Variants in MAP7 observed in about 807,000 individuals in gnomAD.
MAP7 encodes microtubule associated protein 7, also known as ensconsin.
A neutral mutation model predicts 94.8 loss-of-function variants in MAP7; 52 were observed. The ratio of observed to expected loss-of-function variants is 0.55; its 90% CI spans 0.44 to 0.69. MAP7 has a LOEUF of 0.69. Among genes scored for constraint, MAP7 ranks in the 30% least tolerant of loss-of-function variants. MAP7 has a pLI of 0.00. For synonymous variants in MAP7, 350 were observed against 357.0 expected (o/e 0.98, Z 0.22); for missense variants, 940 against 964.6 (o/e 0.97, Z 0.34).
At chr6:136,437,138 T>G (rs1455374439) in intron 1 of MAP7, among the ~76,000 whole-genome samples, 1 of 152,196 alleles carries the variant, frequency 6.6e-6, no homozygotes, top group Non-Finnish European at 1.5e-5. Context: ...CTCCCTGGTA[T>G]AACAGCCCCC....
At chr6:136,504,759 C>T (rs762391578) in intron 1 of MAP7, among the ~76,000 whole-genome samples, 6 of 152,236 alleles carry the variant, frequency 3.9e-5, no homozygotes, top group Non-Finnish European at 7.3e-5. Flanking sequence ...CGGCCCAATG[C>T]AACCTCTGCC....
At chr6:136,397,299 T>C (rs1782752437) in intron 3 of MAP7, among the ~76,000 whole-genome samples, 1 of 152,148 alleles carries the variant, frequency 6.6e-6, no homozygotes, top group Admixed American at 6.5e-5. Flanking sequence ...AAAAAGTTTT[T>C]TTTTAAAGGG....
In MAP7 at chr6:136,356,809, G is replaced by A. The variant is rs1432118930; in HGVS notation, c.1913-15C>T. On this transcript the variant is annotated splice_polypyrimidine_tract_variant and intron_variant, in intron 15 of 17. Transcript: ENST00000354570. ...TGCAGACACCTCTGGGCATAGTAAAGGAGACAGAACACAGGGTTACTAATA... is the reference window on the plus strand; with the variant it reads ...TGCAGACACCTCTGGGCATAGTAAAAGAGACAGAACACAGGGTTACTAATA... 2 of 1,599,964 alleles carry A rather than the reference G, an allele frequency of 1.3e-6. No individual in the cohort carries two copies. The highest frequency in any genetic ancestry group is 1.3e-5 in the African/African-American group (1 of 74,752).
intron 1 of MAP7, among the ~76,000 whole-genome samples, chr6:136,515,265 C>G (rs1320298506): frequency 6.6e-6 from 1 of 152,216 alleles, no homozygotes; most frequent in African/African-American, 2.4e-5. Flanking sequence ...TAAGCTTTGG[C>G]TTAAGAGAAC....
chr6:136,448,785 C>T (rs1397151246), intron 1 of MAP7, among the ~76,000 whole-genome samples: 1 of 151,722 alleles, frequency 6.6e-6, no homozygotes, highest in Non-Finnish European at 1.5e-5. Flanking sequence ...GATACAAGAT[C>T]CAGAATGAAA....
At chr6:136,464,053 G>C (rs1342167253) in intron 1 of MAP7, among the ~76,000 whole-genome samples, 1 of 152,194 alleles carries the variant, frequency 6.6e-6, no homozygotes, top group African/African-American at 2.4e-5. Context: ...GCCTCACCCA[G>C]GCTTCAGACA....
At chr6:136,374,448 C>T (rs1006429579) in intron 7 of MAP7, among the ~76,000 whole-genome samples, 2 of 152,194 alleles carry the variant, frequency 1.3e-5, no homozygotes, top group Non-Finnish European at 2.9e-5. Context: ...GGCAGAGGCA[C>T]GCACTGCTCA....
chr6:136,430,159 A>G (rs1325028593), intron 1 of MAP7, among the ~76,000 whole-genome samples: 3 of 152,268 alleles, frequency 2.0e-5, no homozygotes, highest in Admixed American at 6.5e-5. Context: ...ATGTGTAATT[A>G]GAAGAAACTA....
chr6:136,343,028 A>G lies in MAP7; in HGVS notation c.*1200T>C, dbSNP rs1378792294. On this transcript the variant is annotated 3_prime_UTR_variant, in exon 18 of 18. Transcript: ENST00000354570. Reference sequence around the variant, plus strand: ...TTACAGTGGTATAAATTTATCTTTTAAACACTCCACATAAAAACATGTGCA... The same window carrying G: ...TTACAGTGGTATAAATTTATCTTTTGAACACTCCACATAAAAACATGTGCA... 1 of 152,546 alleles carries G rather than the reference A, an allele frequency of 6.6e-6. No individual in the cohort carries two copies. The highest frequency in any genetic ancestry group is 1.5e-5 in the Non-Finnish European group (1 of 68,038). 9.4% of individuals were successfully genotyped at this position (152,546 alleles called of 1,614,324 possible).
At chr6:136,523,218 G>A (rs1826901572) in intron 1 of MAP7, among the ~76,000 whole-genome samples, 1 of 152,204 alleles carries the variant, frequency 6.6e-6, no homozygotes, top group Non-Finnish European at 1.5e-5. Flanking sequence ...ATGCAGTACA[G>A]AGGCTGTCTG....
At chr6:136,507,475 C>CAAAAAAAAAAAAAAAA (rs10711278) in intron 1 of MAP7, among the ~76,000 whole-genome samples, 1 of 87,256 alleles carries the variant, frequency 1.1e-5, no homozygotes, top group African/African-American at 3.6e-5. Flanking sequence ...AGAAGATTCT[C>CAAAAAAAAAAAAAAAA]AAAAAAAAAA....
At chr6:136,538,845 T>C (rs904953676) in intron 1 of MAP7, among the ~76,000 whole-genome samples, 3 of 150,690 alleles carry the variant, frequency 2.0e-5, no homozygotes, top group African/African-American at 4.9e-5. Flanking sequence ...TTATGGGTGT[T>C]TAGCGTGATC....
At chr6:136,369,264 T>C (rs1330695440) in intron 8 of MAP7, among the ~76,000 whole-genome samples, 1 of 152,170 alleles carries the variant, frequency 6.6e-6, no homozygotes, top group Non-Finnish European at 1.5e-5. Context: ...TGTGTGGTAA[T>C]GGTATCAAGA....
At chr6:136,504,318 T>C (rs2129014978) in intron 1 of MAP7, among the ~76,000 whole-genome samples, 1 of 152,140 alleles carries the variant, frequency 6.6e-6, no homozygotes, top group South Asian at 2.1e-4. Context: ...CCATAATAAT[T>C]TGTATTCCCA....
intron 1 of MAP7, among the ~76,000 whole-genome samples, chr6:136,480,518 T>C (rs1016912736): frequency 2.6e-5 from 4 of 151,314 alleles, no homozygotes; most frequent in African/African-American, 9.7e-5. Context: ...GGCGGGTGCC[T>C]GTAGTCCCAG....
intron 16 of MAP7, among the ~76,000 whole-genome samples, chr6:136,356,318 C>A (rs1413622886): frequency 6.6e-6 from 1 of 151,806 alleles, no homozygotes; most frequent in Non-Finnish European, 1.5e-5. Context: ...CACACACTAT[C>A]ACGTCTGCTA....
At chr6:136,351,917 A>C (rs1789323561) in intron 16 of MAP7, among the ~76,000 whole-genome samples, 1 of 152,118 alleles carries the variant, frequency 6.6e-6, no homozygotes, top group African/African-American at 2.4e-5. Context: ...CCTGCAGTGC[A>C]CAGTGGCCAG....
At chr6:136,503,663 C>T (rs1820508994) in intron 1 of MAP7, among the ~76,000 whole-genome samples, 1 of 152,200 alleles carries the variant, frequency 6.6e-6, no homozygotes, top group Admixed American at 6.5e-5. Context: ...AAAAAATCTA[C>T]ATTAACCAAT....
intron 3 of MAP7, among the ~76,000 whole-genome samples, chr6:136,408,299 A>G (rs1333304815): frequency 6.6e-6 from 1 of 152,220 alleles, no homozygotes; most frequent in African/African-American, 2.4e-5. Flanking sequence ...ATGAAGAATT[A>G]TGCCTGATTT....
Sources: allele counts gnomAD v4.1 joint callset (sites outside exome capture counted in the v4.1 genomes callset), GRCh38; gene constraint gnomAD v4.1.1; transcripts MANE v1.5; gene names NCBI Gene and HGNC (gene_info 2026-07-23, HGNC 2026-07-21).